LAMC1: variants seen among roughly 807,000 people sequenced by gnomAD.
The protein encoded by LAMC1 is laminin subunit gamma 1.
LAMC1 carries 38 observed loss-of-function variants against 173.6 expected under a neutral mutation model. That is an observed-to-expected ratio of 0.22 (90% CI 0.17 to 0.29). The LOEUF (loss-of-function observed/expected upper bound fraction) is 0.29. LAMC1 is among the 10% of genes least tolerant of loss of function. The pLI is 1.00. For synonymous variants in LAMC1, 746 were observed against 749.1 expected (o/e 1.00, Z 0.07); for missense variants, 1,824 against 2,051.8 (o/e 0.89, Z 2.14).
chr1:183,131,259 A>ATTCAGTCC (rs769943950), intron 19 of LAMC1, 40 bp from the exon 20 acceptor site: 1 of 1,502,860 alleles, frequency 6.7e-7, no homozygotes. Flanking sequence ...AATGTAAATA[A>ATTCAGTCC]TTCAGTCCTT....
Position 183,122,255 on chromosome 1 carries a change from A to T in LAMC1, c.2401+4A>T. ...AACTGTCCTACTGGCACCACTGGTA[A>T]GTCTGCTCGCTTCATCTGCTTTCAG... On this transcript the variant is annotated splice_donor_region_variant and intron_variant, in intron 13 of 27. Transcript: ENST00000258341. 6.2e-7 allele frequency: 1 copy of T among 1,613,618 alleles called. No individual in the cohort carries two copies. Among genetic ancestry groups the T allele is most frequent in the South Asian group, 1.1e-5 (1 of 91,002 alleles).
At chr1:183,139,440 C>T (rs1035872267) in intron 26 of LAMC1, among the ~76,000 whole-genome samples, 3 of 152,310 alleles carry the variant, frequency 2.0e-5, no homozygotes, top group East Asian at 1.9e-4. Context: ...CGCTCTTGGC[C>T]GGCCCTGGCA....
chr1:183,135,702 T>C (rs903818088), intron 24 of LAMC1, among the ~76,000 whole-genome samples: 3 of 151,906 alleles, frequency 2.0e-5, no homozygotes, highest in Admixed American at 1.3e-4. Context: ...GGGAATATAG[T>C]GAGACCCCAT....
At chr1:183,137,582 C>A in intron 25 of LAMC1, 87 bp from the exon 26 acceptor site, 1 of 695,156 alleles carries the variant, frequency 1.4e-6, no homozygotes, top group Non-Finnish European at 2.2e-6. Flanking sequence ...ATTTTTAAGA[C>A]ATTTTATAAA....
In LAMC1 at chr1:183,124,864, G is replaced by A; in HGVS notation, c.2635G>A (p.Asp879Asn). 1 of 1,614,084 alleles carries A rather than the reference G, an allele frequency of 6.2e-7. No homozygotes were observed. The highest frequency in any genetic ancestry group is 8.5e-7 in the Non-Finnish European group (1 of 1,179,954). ...AAATCCCCTGGCTCCCAATCCAGCA[G>A]ACAAATGCAAAGGTAATCAGCCTTT... ...FGNPLAPNPA[D>N]KCKACNCNLY... The change falls in exon 14 of 28, where the codon GAC becomes AAC. Residue 879 changes from aspartate to asparagine, a missense_variant. Transcript: ENST00000258341.
chr1:183,047,195 T>C (rs947378758), intron 1 of LAMC1, among the ~76,000 whole-genome samples: 1 of 152,194 alleles, frequency 6.6e-6, no homozygotes, highest in Admixed American at 6.5e-5. Context: ...AGTGGTAATC[T>C]GGAAAATGGA....
intron 1 of LAMC1, among the ~76,000 whole-genome samples, chr1:183,078,654 G>A (rs1350696082): frequency 1.3e-5 from 2 of 152,020 alleles, no homozygotes; most frequent in African/African-American, 4.8e-5. Flanking sequence ...ACTGTGAGAT[G>A]AAGGGGATCG....
At chr1:183,125,376 A>T (rs1553257835) in intron 14 of LAMC1, 21 bp from the exon 15 acceptor site, 17 of 1,613,024 alleles carry the variant, frequency 1.1e-5, no homozygotes, top group Non-Finnish European at 1.4e-5. Context: ...GTCTTTTGCC[A>T]TCTCTGTCTT....
Position 183,115,630 on chromosome 1 carries a change from G to A in LAMC1, c.1321G>A (p.Gly441Arg). 1 of 1,608,078 alleles carries A rather than the reference G, an allele frequency of 6.2e-7. No individual in the cohort carries two copies. The highest frequency in any genetic ancestry group is 1.1e-5 in the South Asian group (1 of 90,956). The change falls in exon 6 of 28, where the codon GGA (glycine) becomes AGA (arginine). Residue 441 changes from glycine to arginine, a missense_variant. Gly to Arg is a moderately radical substitution (Grantham distance 125). Coordinates refer to ENST00000258341, the MANE Select transcript of LAMC1 (RefSeq NM_002293.4). ...QPGFHSLTEA[G>R]CRPCSCDPSG... Reference sequence around the variant, plus strand: ...TGGATTCCATTCTCTCACTGAAGCAGGATGCAGGTAAAATATTTTCAAAGC... The same window carrying A: ...TGGATTCCATTCTCTCACTGAAGCAAGATGCAGGTAAAATATTTTCAAAGC...
chr1:183,037,231 C>T (rs1260692690), intron 1 of LAMC1, among the ~76,000 whole-genome samples: 2 of 152,178 alleles, frequency 1.3e-5, no homozygotes, highest in African/African-American at 2.4e-5. Flanking sequence ...GAAAAGTGTA[C>T]CCTACCTCAT....
At chr1:183,082,351 C>T (rs1289074525) in intron 1 of LAMC1, among the ~76,000 whole-genome samples, 2 of 152,188 alleles carry the variant, frequency 1.3e-5, no homozygotes, top group Non-Finnish European at 2.9e-5. Context: ...GTAGCTGTAC[C>T]ATTTTGCATT....
chr1:183,040,882 C>G (rs182211990), intron 1 of LAMC1, among the ~76,000 whole-genome samples: 1 of 152,310 alleles, frequency 6.6e-6, no homozygotes, highest in African/African-American at 2.4e-5. Flanking sequence ...CAAATTTTCT[C>G]TGAGACAAAA....
rs200327337 is a variant in LAMC1 at position 183,117,363 on chromosome 1, A to G, written c.1608A>G (p.Ala536=). 197 of 1,612,962 alleles carry G rather than the reference A, an allele frequency of 1.2e-4. No individual in the cohort carries two copies. The highest frequency in any genetic ancestry group is 1.5e-4 in the Non-Finnish European group (180 of 1,179,120). ...CGGAACAGAGAGATGGCTCTGAAGC[A>G]TCTCTCGAGTGGTCCTCTGAGAGGC... is the stretch of plus-strand genomic sequence containing the variant. ...WRAEQRDGSE[A]SLEWSSERQD... is the part of the protein sequence containing the mutation. The change falls in exon 9 of 28, where the codon GCA becomes GCG. Residue 536 remains alanine (A), a synonymous_variant. Transcript: ENST00000258341.
intron 1 of LAMC1, among the ~76,000 whole-genome samples, chr1:183,024,641 A>G (rs187976305): frequency 6.6e-6 from 1 of 152,356 alleles, no homozygotes; most frequent in African/African-American, 2.4e-5. Flanking sequence ...TTCGCTGCCT[A>G]TATTGCCTAT....
Position 183,132,429 on chromosome 1 carries a change from G to T in LAMC1, c.3596G>T (p.Arg1199Leu). 6.2e-7 allele frequency: 1 copy of T among 1,613,568 alleles called. No homozygotes were observed. The highest frequency in any genetic ancestry group is 8.5e-7 in the Non-Finnish European group (1 of 1,179,688). Residue 1199 changes from arginine to leucine, a missense_variant, in exon 21 of 28, where the codon CGA (arginine) becomes CTA (leucine). Arg to Leu is a moderately radical substitution (Grantham distance 102). Transcript: ENST00000258341. ...AAACAGGAAGCTGATGACATTGTTC[G>T]AGTGGCAAAGACAGCCAATGATACG... ...RHKQEADDIV[R>L]VAKTANDTST...
chr1:183,108,564 AAGAC>A (rs1258952728), intron 3 of LAMC1, among the ~76,000 whole-genome samples, 158 bp downstream of exon 3: 1 of 152,244 alleles, frequency 6.6e-6, no homozygotes, highest in African/African-American at 2.4e-5. Context: ...CTTAGCTGAA[AAGAC>A]AGACAGCAGC....
At chr1:183,128,804 G>A (rs765021588) in intron 18 of LAMC1, 54 bp downstream of exon 18, 3 of 1,405,150 alleles carry the variant, frequency 2.1e-6, no homozygotes, top group Non-Finnish European at 2.9e-6. Context: ...ATCTTTAGAT[G>A]TGGCTCCTAA....
intron 24 of LAMC1, 38 bp downstream of exon 24, chr1:183,135,194 C>A: frequency 8.0e-7 from 1 of 1,247,286 alleles, no homozygotes. Flanking sequence ...AATGCTTCCG[C>A]CACTAGAGTG....
At chr1:183,108,932 G>C (rs1222866701) in intron 3 of LAMC1, among the ~76,000 whole-genome samples, 2 of 152,218 alleles carry the variant, frequency 1.3e-5, no homozygotes, top group Non-Finnish European at 2.9e-5. Flanking sequence ...GCTGGGTCTT[G>C]AAAGCTTTGG....
Sources: allele counts gnomAD v4.1 joint callset (sites outside exome capture counted in the v4.1 genomes callset), GRCh38; gene constraint gnomAD v4.1.1; transcripts MANE v1.5; gene names NCBI Gene and HGNC (gene_info 2026-07-23, HGNC 2026-07-21).